Variants in CDKAL1 observed in about 807,000 individuals in gnomAD.
CDKAL1 encodes the protein CDKAL1 threonylcarbamoyladenosine tRNA methylthiotransferase, also known as threonylcarbamoyladenosine tRNA methylthiotransferase.
In CDKAL1, 32 loss-of-function variants were observed where a neutral mutation model predicts 68.2. The ratio of observed to expected loss-of-function variants is 0.47; its 90% CI spans 0.35 to 0.63. CDKAL1 has a LOEUF of 0.63. CDKAL1 is among the 30% of genes least tolerant of loss of function. CDKAL1 has a pLI of 0.00. For synonymous variants in CDKAL1, 234 were observed against 244.3 expected, an observed-to-expected ratio of 0.96 and a Z score of 0.39; for missense variants, 606 against 696.7, an observed-to-expected ratio of 0.87 and a Z score of 1.47.
intron 9 of CDKAL1, among the ~76,000 whole-genome samples, chr6:20,931,556 G>C (rs1561894103): frequency 6.6e-6 from 1 of 152,122 alleles, no homozygotes; most frequent in South Asian, 2.1e-4. Context: ...AAAATGTGTG[G>C]TGGCATTTGT....
chr6:20,767,619 T>A (rs1440826680), intron 7 of CDKAL1, among the ~76,000 whole-genome samples: 1 of 152,176 alleles, frequency 6.6e-6, no homozygotes, highest in Non-Finnish European at 1.5e-5. Flanking sequence ...TTGTATTTGA[T>A]AATTGGAATA....
At chr6:20,737,776 G>A (rs1232546365) in intron 5 of CDKAL1, among the ~76,000 whole-genome samples, 1 of 152,168 alleles carries the variant, frequency 6.6e-6, no homozygotes, top group Non-Finnish European at 1.5e-5. Context: ...TCGTTAACAA[G>A]CTTTTTCAAG....
intron 7 of CDKAL1, among the ~76,000 whole-genome samples, chr6:20,762,496 C>A (rs992530936): frequency 6.6e-6 from 1 of 152,118 alleles, no homozygotes; most frequent in Non-Finnish European, 1.5e-5. Flanking sequence ...GAGAACTGTG[C>A]CTATCAGTCA....
chr6:20,556,833 C>T (rs937301463), intron 4 of CDKAL1, among the ~76,000 whole-genome samples: 4 of 151,876 alleles, frequency 2.6e-5, no homozygotes, highest in Admixed American at 6.6e-5. Context: ...GTCAGGAGAT[C>T]GAGGCCATCC....
chr6:20,570,287 A>G (rs1454735008), intron 4 of CDKAL1, among the ~76,000 whole-genome samples: 1 of 151,512 alleles, frequency 6.6e-6, no homozygotes, highest in African/African-American at 2.4e-5. Flanking sequence ...TATTTTTAGT[A>G]GAGACGGAGT....
intron 12 of CDKAL1, among the ~76,000 whole-genome samples, chr6:21,072,367 C>T (rs1173715797): frequency 6.6e-6 from 1 of 151,996 alleles, no homozygotes; most frequent in Non-Finnish European, 1.5e-5. Flanking sequence ...TTAAATAGTA[C>T]AGATTGTACA....
At chr6:20,609,394 TCTTCTTC>T (rs1766504906) in intron 4 of CDKAL1, among the ~76,000 whole-genome samples, 2 of 110,464 alleles carry the variant, frequency 1.8e-5, no homozygotes, top group African/African-American at 3.2e-5. Context: ...TTCTTCTTCT[TCTTCTTC>T]TTTTTTTTTT....
chr6:20,727,555 G>C (rs763641834), intron 5 of CDKAL1, among the ~76,000 whole-genome samples: 1 of 152,070 alleles, frequency 6.6e-6, no homozygotes, highest in African/African-American at 2.4e-5. Context: ...TCATTTGTAA[G>C]GTTTTTTAAA....
intron 5 of CDKAL1, among the ~76,000 whole-genome samples, chr6:20,739,265 AT>A (rs147631730): frequency 6.6e-6 from 1 of 152,120 alleles, no homozygotes; most frequent in African/African-American, 2.4e-5. Flanking sequence ...AAAATAATGA[AT>A]TTTTTTGTTT....
intron 15 of CDKAL1, among the ~76,000 whole-genome samples, chr6:21,209,837 C>A (rs1779082011): frequency 6.6e-6 from 1 of 152,190 alleles, no homozygotes; most frequent in Non-Finnish European, 1.5e-5. Context: ...TTCCAGAAGA[C>A]CATGATTTCC....
At chr6:20,627,941 C>T (rs911631387) in intron 4 of CDKAL1, among the ~76,000 whole-genome samples, 1 of 152,116 alleles carries the variant, frequency 6.6e-6, no homozygotes, top group Non-Finnish European at 1.5e-5. Flanking sequence ...ATCTTAAATT[C>T]TGTGACCTTG....
At position 21,075,953 on chromosome 6, in the gene CDKAL1, G is replaced by C. The variant is rs137942408; in HGVS notation, c.1236+10725G>C. On this transcript the variant is annotated intron_variant, in intron 12 of 15. Coordinates refer to ENST00000274695, the MANE Select transcript of CDKAL1 (RefSeq NM_017774.3). ...GAGTGGCTGTTAGAATGTTTATATA[G>C]CTTTAAGATGTTAAATTGTGATACA... Among the ~76,000 whole-genome samples the C allele has an allele frequency of 9.2e-3, 1,397 of 151,714 alleles. 25 individuals are homozygous for C. The highest frequency in any genetic ancestry group is 0.032 in the African/African-American group (1,327 of 41,378).
chr6:20,546,149 T>C (rs1353893914), intron 2 of CDKAL1, among the ~76,000 whole-genome samples, 197 bp from the exon 3 acceptor site: 3 of 146,802 alleles, frequency 2.0e-5, no homozygotes, highest in African/African-American at 7.3e-5. Context: ...TGTCTGATTG[T>C]TTCATTGTGT....
chr6:20,764,159 C>G (rs1237102889), intron 7 of CDKAL1, among the ~76,000 whole-genome samples: 3 of 152,096 alleles, frequency 2.0e-5, no homozygotes, highest in Non-Finnish European at 4.4e-5. Flanking sequence ...AACAAAATAT[C>G]ATTAAAAATA....
intron 4 of CDKAL1, among the ~76,000 whole-genome samples, chr6:20,645,442 T>A (rs1377507087): frequency 1.3e-5 from 2 of 152,076 alleles, no homozygotes; most frequent in African/African-American, 2.4e-5. Flanking sequence ...TAAATTTTAT[T>A]TACTTATGGC....
chr6:21,125,718 T>C (rs1255997370), intron 13 of CDKAL1, among the ~76,000 whole-genome samples: 1 of 152,122 alleles, frequency 6.6e-6, no homozygotes, highest in Admixed American at 6.5e-5. Flanking sequence ...TCTTTATAAA[T>C]TACCCAGTCT....
chr6:20,974,978 C>CA (rs11330322), intron 10 of CDKAL1, among the ~76,000 whole-genome samples: 677 of 62,630 alleles, frequency 0.011, 4 homozygotes, highest in African/African-American at 0.013. Flanking sequence ...GACCCTATCT[C>CA]AAAAAAAAAA....
intron 3 of CDKAL1, among the ~76,000 whole-genome samples, chr6:20,547,652 A>C (rs919452457): frequency 3.3e-5 from 5 of 152,128 alleles, no homozygotes; most frequent in Non-Finnish European, 7.4e-5. Flanking sequence ...TTGGAATTTA[A>C]AATTTGCTTA....
chr6:20,921,427 A>AAAAT (rs761334716), intron 9 of CDKAL1, among the ~76,000 whole-genome samples: 10 of 152,298 alleles, frequency 6.6e-5, no homozygotes, highest in Non-Finnish European at 8.8e-5. Flanking sequence ...ACTCCGTCTC[A>AAAAT]AAATAAATAA....
Sources: gnomAD v4.1 joint callset for allele counts (sites outside exome capture counted in the v4.1 genomes callset) on GRCh38, gnomAD v4.1.1 for gene constraint, MANE v1.5 for transcripts, NCBI Gene and HGNC (gene_info 2026-07-23, HGNC 2026-07-21) for gene names.